TFCP2L1: variants seen among roughly 807,000 people sequenced by gnomAD.
TFCP2L1 encodes the protein transcription factor CP2 like 1.
Under a neutral mutation model 72.2 loss-of-function variants are expected in TFCP2L1, and 12 were observed. The observed-to-expected ratio is 0.17, with a 90% CI of 0.11 to 0.27. The LOEUF (loss-of-function observed/expected upper bound fraction) is 0.27, where lower values mean the gene tolerates loss of function less well. Among genes scored for constraint, TFCP2L1 ranks in the 10% least tolerant of loss-of-function variants. The pLI is 1.00. For synonymous variants in TFCP2L1, 260 were observed against 251.0 expected, an observed-to-expected ratio of 1.04 and a Z score of -0.34; for missense variants, 488 against 624.6, an observed-to-expected ratio of 0.78 and a Z score of 2.33.
intron 5 of TFCP2L1, among the ~76,000 whole-genome samples, chr2:121,247,683 G>C (rs942441554): frequency 6.6e-6 from 1 of 152,062 alleles, no homozygotes; most frequent in African/African-American, 2.4e-5. Context: ...TCAGAAAGGG[G>C]AGGAGACTTG....
rs532103546 is a variant in TFCP2L1 at position 121,277,000 on chromosome 2, G to A, written c.214+4120C>T. On this transcript the variant is annotated intron_variant, in intron 2 of 14. Transcript: ENST00000263707. ...ACCATAAATATAGTTATCACCCAAC[G>A]AAAGTTAAATGGCCTGCAACCATCA... 4.0e-5 allele frequency among the ~76,000 whole-genome samples: 6 copies of A among 149,048 alleles called. No individual in the cohort carries two copies. In the East Asian group the frequency reaches 5.8e-4, roughly 15 times the overall value.
chr2:121,246,685 A>G, intron 6 of TFCP2L1, 133 bp downstream of exon 6: 3 of 1,163,460 alleles, frequency 2.6e-6, no homozygotes, highest in Non-Finnish European at 3.7e-6. Flanking sequence ...AAGCCCAGGT[A>G]GAAGCCATGT....
intron 1 of TFCP2L1, among the ~76,000 whole-genome samples, chr2:121,284,316 G>A (rs1687322401): frequency 1.3e-5 from 2 of 152,180 alleles, no homozygotes; most frequent in African/African-American, 4.8e-5. Context: ...CATTAGTCCC[G>A]GCCAGCAGCA....
At chr2:121,266,506 T>G (rs181396445) in intron 2 of TFCP2L1, among the ~76,000 whole-genome samples, 1 of 152,356 alleles carries the variant, frequency 6.6e-6, no homozygotes, top group Non-Finnish European at 1.5e-5. Flanking sequence ...CTGTCCTGAC[T>G]GCCAGGCACC....
Position 121,279,956 on chromosome 2 carries a change from A to G in TFCP2L1, c.214+1164T>C, listed in dbSNP as rs375310168. ...TAAAAGATAAAGCAGAAGGTGACAAATCCACATGATGCCAGGGTGGTCATG... is the reference window on the plus strand; with the variant it reads ...TAAAAGATAAAGCAGAAGGTGACAAGTCCACATGATGCCAGGGTGGTCATG... On this transcript the variant is annotated intron_variant, in intron 2 of 14. Transcript: ENST00000263707. 9.5e-4 allele frequency among the ~76,000 whole-genome samples: 145 copies of G among 152,302 alleles called. 4 individuals carry two copies. The South Asian group carries it at 0.028, about 29-fold the overall frequency.
chr2:121,230,511 G>A (rs1368720907), intron 13 of TFCP2L1, among the ~76,000 whole-genome samples: 4 of 152,108 alleles, frequency 2.6e-5, no homozygotes, highest in Admixed American at 2.6e-4. Flanking sequence ...GCTGGTGCAG[G>A]GGCTCATGCC....
chr2:121,233,862 A>T (rs1050221830), intron 12 of TFCP2L1, among the ~76,000 whole-genome samples: 3 of 152,206 alleles, frequency 2.0e-5, no homozygotes, highest in African/African-American at 7.2e-5. Context: ...CACCTTCCCA[A>T]GCCTCGGGGT....
At chr2:121,235,406 G>T in intron 10 of TFCP2L1, 95 bp from the exon 11 acceptor site, 1 of 1,261,640 alleles carries the variant, frequency 7.9e-7, no homozygotes. Context: ...CTGGGGGTGG[G>T]GGGTGGGGAA....
intron 2 of TFCP2L1, among the ~76,000 whole-genome samples, chr2:121,259,149 G>C (rs1393577328): frequency 6.6e-6 from 1 of 152,080 alleles, no homozygotes; most frequent in Non-Finnish European, 1.5e-5. Flanking sequence ...TGGGAGGCTG[G>C]GAGTAGGTGG....
intron 2 of TFCP2L1, among the ~76,000 whole-genome samples, chr2:121,262,120 G>T (rs1400256653): frequency 6.6e-6 from 1 of 152,172 alleles, no homozygotes; most frequent in African/African-American, 2.4e-5. Flanking sequence ...ATTGAGAGCA[G>T]CCTGAGCAAC....
At chr2:121,254,039 A>G (rs1686663118) in intron 2 of TFCP2L1, among the ~76,000 whole-genome samples, 1 of 152,178 alleles carries the variant, frequency 6.6e-6, no homozygotes, top group African/African-American at 2.4e-5. Context: ...CTAGGGCACA[A>G]GGGCATTTCT....
chr2:121,273,482 A>G (rs982653233), intron 2 of TFCP2L1, among the ~76,000 whole-genome samples: 6 of 152,262 alleles, frequency 3.9e-5, no homozygotes, highest in African/African-American at 1.2e-4. Flanking sequence ...TCAGAGGAAG[A>G]GAACAGAGTT....
chr2:121,231,910 G>T lies in TFCP2L1; in HGVS notation c.1257C>A (p.Ala419=), dbSNP rs1686151208. The part of the protein sequence containing the change: ...LTTLELIEKI[A]NLYSISPQHI... ...GCTGGGGGGAGATGCTGTACAGGTTGGCGATCTTCTCAATCAGCTCCAAGG... is the reference window on the plus strand; with the variant it reads ...GCTGGGGGGAGATGCTGTACAGGTTTGCGATCTTCTCAATCAGCTCCAAGG... The change falls in exon 13 of 15, where the codon GCC becomes GCA. Residue 419 remains alanine (A), a synonymous_variant. Coordinates refer to ENST00000263707, the MANE Select transcript of TFCP2L1 (RefSeq NM_014553.3). 6.2e-7 allele frequency: 1 copy of T among 1,613,500 alleles called. No homozygotes were observed. Among genetic ancestry groups the T allele is most frequent in the African/African-American group, 1.3e-5 (1 of 75,034 alleles).
chr2:121,242,486 G>T lies in TFCP2L1; in HGVS notation c.658-17C>A. On this transcript the variant is annotated splice_polypyrimidine_tract_variant and intron_variant, in intron 6 of 14. Coordinates refer to ENST00000263707, the MANE Select transcript of TFCP2L1 (RefSeq NM_014553.3). ...TCCCTTCGGCTGCGAGCAGAGTACA[G>T]AGTCCAATCAGCCCAAAACCAACAC... The T allele has an allele frequency of 6.2e-7, 1 of 1,612,824 alleles. No homozygotes were observed. Among genetic ancestry groups the T allele is most frequent in the South Asian group, 1.1e-5 (1 of 91,064 alleles).
In TFCP2L1 at chr2:121,242,341, C is replaced by A; in HGVS notation, c.768+18G>T. 1 of 1,609,024 alleles carries A rather than the reference C, an allele frequency of 6.2e-7. No individual in the cohort carries two copies. The highest frequency in any genetic ancestry group is 8.5e-7 in the Non-Finnish European group (1 of 1,175,492). On this transcript the variant is annotated intron_variant, in intron 7 of 14. Transcript: ENST00000263707. ...GGAAGACCCTTGGAGGCTCTGTCCC[C>A]GCACCCAGCCGGCTCACCTCTGTGA...
At chr2:121,269,920 T>TATAG (rs1687012977) in intron 2 of TFCP2L1, among the ~76,000 whole-genome samples, 1 of 27,822 alleles carries the variant, frequency 3.6e-5, no homozygotes, top group Admixed American at 4.5e-4. Context: ...AAAAAAAAAA[T>TATAG]ATATATATAT....
chr2:121,222,986 T>TA lies in TFCP2L1; in HGVS notation c.*1354dup, dbSNP rs1685955318. On this transcript the variant is annotated 3_prime_UTR_variant, in exon 15 of 15. Transcript: ENST00000263707. ...ATATCGCTACCCTATCACTATGTGC[T>TA]ACCATGCAGGTGACTTTGCCCCTCT... The TA allele has an allele frequency of 6.6e-6, 1 of 152,246 alleles. No individual in the cohort carries two copies. Among genetic ancestry groups the TA allele is most frequent in the African/African-American group, 2.4e-5 (1 of 41,464 alleles). The allele number at this position is 152,246 out of a possible 1,614,324, so 9.4% of individuals were successfully genotyped here.
chr2:121,233,296 G>A (rs184154571), intron 12 of TFCP2L1, among the ~76,000 whole-genome samples: 5 of 152,060 alleles, frequency 3.3e-5, no homozygotes, highest in Admixed American at 2.0e-4. Context: ...TCCGCCTCCC[G>A]GGTTCAAATG....
chr2:121,240,689 C>G, intron 7 of TFCP2L1: 1 of 985,338 alleles, frequency 1.0e-6, no homozygotes, highest in South Asian at 4.7e-5. Flanking sequence ...GAGGTTGAGG[C>G]TGTTAGGGAG....
Sources: gnomAD v4.1 joint callset for allele counts (sites outside exome capture counted in the v4.1 genomes callset) on GRCh38, gnomAD v4.1.1 for gene constraint, MANE v1.5 for transcripts, NCBI Gene and HGNC (gene_info 2026-07-23, HGNC 2026-07-21) for gene names.